The following SLC2A1 variants were observed in gnomAD, a reference collection of about 807,000 sequenced individuals.
SLC2A1 encodes the protein solute carrier family 2, facilitated glucose transporter member 1.
SLC2A1 carries 4 observed loss-of-function variants against 46.6 expected under a neutral mutation model. The ratio of observed to expected loss-of-function variants is 0.09; its 90% CI spans 0.04 to 0.20. The LOEUF (loss-of-function observed/expected upper bound fraction) is 0.20. Among genes scored for constraint, SLC2A1 ranks in the 10% least tolerant of loss-of-function variants. The probability of loss-of-function intolerance (pLI) is 1.00; values close to 1 mark genes in which losing one functional copy is unlikely to be tolerated. For missense variants in SLC2A1, 352 were observed against 667.0 expected (o/e 0.53, Z 5.20); for synonymous variants, 253 against 270.0 (o/e 0.94, Z 0.62).
At position 42,927,849 on chromosome 1, in the gene SLC2A1, T is replaced by C; in HGVS notation, c.1075-41A>G. The stretch of plus-strand genomic sequence containing the variant: ...GAGAGGGGGAAAAGTTAGACTGGGT[T>C]GTGATGGATCCTCAGGGGAAACAGA... On this transcript the variant is annotated intron_variant, in intron 8 of 9. Transcript: ENST00000426263. The surrounding 1 kb of genome is among the most constrained non-coding windows in gnomAD (Gnocchi z 5.3). 1 of 1,472,218 alleles carries C rather than the reference T, an allele frequency of 6.8e-7. No individual in the cohort carries two copies. The highest frequency in any genetic ancestry group is 9.4e-7 in the Non-Finnish European group (1 of 1,065,186). 91.2% of individuals were successfully genotyped at this position (1,472,218 alleles called of 1,614,324 possible). A position where few individuals can be genotyped will look rare whatever the true frequency, so the allele number is the denominator to read the frequency against.
chr1:42,939,776 C>G (rs983296096), intron 2 of SLC2A1, among the ~76,000 whole-genome samples: 6 of 152,122 alleles, frequency 3.9e-5, no homozygotes, highest in Non-Finnish European at 8.8e-5. Flanking sequence ...GGTGAAACCC[C>G]ATCTCTACTA....
At position 42,930,221 on chromosome 1, in the gene SLC2A1, C is replaced by A; in HGVS notation, c.517-186G>T. 1 of 696,360 alleles carries A rather than the reference C, an allele frequency of 1.4e-6. No individual in the cohort carries two copies. The allele number at this position is 696,360 out of a possible 1,614,324, so 43.1% of individuals were successfully genotyped here. On this transcript the variant is annotated intron_variant, in intron 4 of 9. Transcript: ENST00000426263. The surrounding 1 kb of genome is among the most constrained non-coding windows in gnomAD (Gnocchi z 6.2). ...ATCGGTCACATGGGAAAAGTAGGAC[C>A]TACCCCACAGTGTTGCTGGGAGGAC...
At position 42,954,214 on chromosome 1, in the gene SLC2A1, T is replaced by C. The variant is rs1337425142; in HGVS notation, c.18+4420A>G. 3.2e-5 allele frequency among the ~76,000 whole-genome samples: 3 copies of C among 94,178 alleles called. No individual in the cohort carries two copies. The highest frequency in any genetic ancestry group is 5.9e-5 in the Non-Finnish European group (3 of 50,692). The allele number at this position is 94,178 out of a possible 152,430, so 61.8% of individuals were successfully genotyped here. Reference sequence around the variant, plus strand: ...AGACAGGCATGTGGAGAAGAAAGCATCTTTAAAAAAAAAACACAGCTAGGC... The same window carrying C: ...AGACAGGCATGTGGAGAAGAAAGCACCTTTAAAAAAAAAACACAGCTAGGC... On this transcript the variant is annotated intron_variant, in intron 1 of 9. Transcript: ENST00000426263. The surrounding 1 kb of genome is among the most constrained non-coding windows in gnomAD (Gnocchi z 4.2).
rs200188044 is a variant in SLC2A1 at position 42,956,541 on chromosome 1, C to T, written c.18+2093G>A. Among the ~76,000 whole-genome samples, 99 of 151,914 alleles carry T rather than the reference C, an allele frequency of 6.5e-4. 1 individual carries two copies. The East Asian group carries it at 0.015, about 23-fold the overall frequency. ...CAGAGGTTGCAGGGAGTTGAGATCG[C>T]GCCATTGCACTCCAGCCTGGGCAAC... On this transcript the variant is annotated intron_variant, in intron 1 of 9. Coordinates refer to ENST00000426263, the MANE Select transcript of SLC2A1 (RefSeq NM_006516.4).
At chr1:42,931,815 G>T (rs1462825877) in intron 2 of SLC2A1, among the ~76,000 whole-genome samples, 3 of 124,024 alleles carry the variant, frequency 2.4e-5, no homozygotes, top group Non-Finnish European at 4.9e-5. Flanking sequence ...GACAGAGTGA[G>T]ACTCTATGTC....
chr1:42,949,780 G>A (rs1023866448), intron 1 of SLC2A1, among the ~76,000 whole-genome samples: 1 of 151,430 alleles, frequency 6.6e-6, no homozygotes, highest in Non-Finnish European at 1.5e-5. Context: ...CCTTTTCACA[G>A]ATGAGAAATG....
At chr1:42,936,891 C>T (rs1177112630) in intron 2 of SLC2A1, among the ~76,000 whole-genome samples, 2 of 152,136 alleles carry the variant, frequency 1.3e-5, no homozygotes, top group Non-Finnish European at 2.9e-5. Flanking sequence ...ACCCCTCCCA[C>T]TCCACTGCAA....
intron 1 of SLC2A1, 28 bp downstream of exon 1, chr1:42,958,606 C>A (rs889982358): frequency 7.2e-6 from 11 of 1,518,838 alleles, no homozygotes; most frequent in East Asian, 5.2e-5. Flanking sequence ...TTGTTCCTGG[C>A]GGGAGGGCCC....
At chr1:42,951,637 C>T in intron 1 of SLC2A1, 1 of 392,272 alleles carries the variant, frequency 2.5e-6, no homozygotes. Context: ...ATTTATTATG[C>T]TTCTCTGTAG....
At chr1:42,937,964 T>G (rs1354533710) in intron 2 of SLC2A1, among the ~76,000 whole-genome samples, 1 of 152,190 alleles carries the variant, frequency 6.6e-6, no homozygotes. Context: ...ACCAGGTTCC[T>G]CCTTTGTCAA....
At chr1:42,939,952 C>CAAA (rs33944767) in intron 2 of SLC2A1, among the ~76,000 whole-genome samples, 2 of 91,626 alleles carry the variant, frequency 2.2e-5, no homozygotes, top group African/African-American at 4.2e-5. Context: ...GACTCCGTCT[C>CAAA]AAAAAAAAAA....
chr1:42,958,643 G>T lies in SLC2A1; in HGVS notation c.9C>A (p.Pro3=). ...CGGGCGCGCGACTCACCTTGCTGCT[G>T]GGCTCCATGGCAGCGCTGCGCTGGT... The part of the protein sequence containing the change: ME[P]SSKKLTGRLM... The change falls in exon 1 of 10, where the codon CCC becomes CCA. Residue 3 remains proline (P), a synonymous_variant. Transcript: ENST00000426263. The T allele has an allele frequency of 6.5e-7, 1 of 1,533,088 alleles. No homozygotes were observed. The allele number at this position is 1,533,088 out of a possible 1,614,324, so 95.0% of individuals were successfully genotyped here.
At chr1:42,947,029 T>G (rs1643663335) in intron 1 of SLC2A1, among the ~76,000 whole-genome samples, 1 of 152,202 alleles carries the variant, frequency 6.6e-6, no homozygotes, top group Admixed American at 6.5e-5. Context: ...CTGGCAGAAT[T>G]CCCTCCACAA....
At chr1:42,951,635 T>C (rs2124470540) in intron 1 of SLC2A1, 1 of 392,412 alleles carries the variant, frequency 2.5e-6, no homozygotes, top group South Asian at 1.4e-4. Flanking sequence ...TCATTTATTA[T>C]GCTTCTCTGT....
Position 42,926,915 on chromosome 1 carries a change from G to A in SLC2A1, c.*126C>T. ...TTCTTCTGGACATCATTGCTGGCTG[G>A]AGAAAGGAGCCCCAGGCCCGGCTCG... On this transcript the variant is annotated 3_prime_UTR_variant, in exon 10 of 10. Coordinates refer to ENST00000426263, the MANE Select transcript of SLC2A1 (RefSeq NM_006516.4). 6.6e-7 allele frequency: 1 copy of A among 1,524,170 alleles called. No homozygotes were observed. The allele number at this position is 1,524,170 out of a possible 1,614,324, so 94.4% of individuals were successfully genotyped here.
intron 1 of SLC2A1, among the ~76,000 whole-genome samples, chr1:42,958,274 G>A (rs1356326643): frequency 1.3e-5 from 2 of 151,322 alleles, no homozygotes; most frequent in South Asian, 2.1e-4. Flanking sequence ...AGGGGCCGAG[G>A]CTGGGCTGCT....
intron 2 of SLC2A1, among the ~76,000 whole-genome samples, chr1:42,941,164 C>T (rs532942124): frequency 1.1e-4 from 17 of 152,300 alleles, no homozygotes; most frequent in Admixed American, 3.9e-4. Flanking sequence ...CCATACCAGA[C>T]GCCTGAGTCA....
intron 8 of SLC2A1, among the ~76,000 whole-genome samples, chr1:42,928,436 G>A (rs953755486): frequency 3.3e-5 from 5 of 152,178 alleles, no homozygotes; most frequent in African/African-American, 1.2e-4. Flanking sequence ...GCCTGGGACT[G>A]AGGTTGATTC....
intron 1 of SLC2A1, among the ~76,000 whole-genome samples, chr1:42,945,746 A>AAAAAC (rs560243374): frequency 9.4e-6 from 1 of 106,242 alleles, no homozygotes; most frequent in African/African-American, 7.4e-5. Flanking sequence ...CTCAAAAAAA[A>AAAAAC]AAAAAAACAA....
Sources: gnomAD v4.1 joint callset for allele counts (sites outside exome capture counted in the v4.1 genomes callset) on GRCh38, gnomAD v4.1.1 for gene constraint, Gnocchi (gnomAD v3.1) non-coding constraint, MANE v1.5 for transcripts, NCBI Gene and HGNC (gene_info 2026-07-23, HGNC 2026-07-21) for gene names.